The following RGS7 variants were observed in gnomAD, a reference collection of about 807,000 sequenced individuals.
RGS7 encodes regulator of G protein signaling 7, also known as regulator of G-protein signaling 7.
A neutral mutation model predicts 81.1 loss-of-function variants in RGS7; 27 were observed. The observed-to-expected ratio is 0.33, with a 90% CI of 0.25 to 0.46. The LOEUF is 0.46. RGS7 is among the 20% of genes least tolerant of loss of function. The pLI is 1.00. For synonymous variants in RGS7, 208 were observed against 207.7 expected (o/e 1.00, Z -0.01); for missense variants, 396 against 607.4 (o/e 0.65, Z 3.66).
intron 3 of RGS7, among the ~76,000 whole-genome samples, chr1:241,095,411 G>A (rs916100964): frequency 3.3e-5 from 5 of 152,190 alleles, no homozygotes; most frequent in Non-Finnish European, 2.9e-5. Context: ...GGAGGCCAAG[G>A]CAGGAAGATC....
chr1:240,942,759 C>T (rs16841100), intron 4 of RGS7, among the ~76,000 whole-genome samples: 17,230 of 152,154 alleles, frequency 0.11, 2,128 homozygotes, highest in African/African-American at 0.31. Flanking sequence ...AGACTTGTTA[C>T]TTTCTGTTTA....
At chr1:241,356,311 C>G (rs2083564152) in intron 1 of RGS7, among the ~76,000 whole-genome samples, 1 of 152,100 alleles carries the variant, frequency 6.6e-6, no homozygotes, top group African/African-American at 2.4e-5. Context: ...GGCCCATTCC[C>G]GGTGTCATTC....
chr1:240,999,883 G>A (rs531540729), intron 3 of RGS7, among the ~76,000 whole-genome samples: 76 of 152,262 alleles, frequency 5.0e-4, no homozygotes, highest in African/African-American at 1.8e-3. Context: ...GACTACAGGC[G>A]TGAGCCACTG....
At chr1:241,023,985 T>C (rs12405698) in intron 3 of RGS7, among the ~76,000 whole-genome samples, 17,156 of 152,174 alleles carry the variant, frequency 0.11, 1,131 homozygotes, top group Middle Eastern at 0.17. Context: ...TCAGGTGTGG[T>C]CGACCTCCTG....
intron 2 of RGS7, among the ~76,000 whole-genome samples, chr1:241,261,973 ATTTT>A (rs1255799273): frequency 6.8e-6 from 1 of 146,830 alleles, no homozygotes; most frequent in Non-Finnish European, 1.5e-5. Context: ...GGAAAAACAG[ATTTT>A]TTGTTTGTTC....
chr1:240,891,470 T>C (rs1668276423), intron 6 of RGS7, among the ~76,000 whole-genome samples: 1 of 152,210 alleles, frequency 6.6e-6, no homozygotes. Context: ...AATCTCTCTA[T>C]AATGCATCTA....
chr1:240,834,364 AC>A (rs1419672571), intron 9 of RGS7, among the ~76,000 whole-genome samples: 4 of 152,166 alleles, frequency 2.6e-5, no homozygotes, highest in Non-Finnish European at 4.4e-5. Flanking sequence ...CTGTGAATGA[AC>A]TCCACACATC....
intron 2 of RGS7, among the ~76,000 whole-genome samples, chr1:241,309,314 A>G (rs2080361231): frequency 7.2e-6 from 1 of 139,306 alleles, no homozygotes; most frequent in Non-Finnish European, 1.5e-5. Flanking sequence ...TGAACCCGGG[A>G]GGCAGAGGTA....
intron 2 of RGS7, among the ~76,000 whole-genome samples, chr1:241,252,177 G>A (rs1411020237): frequency 6.6e-6 from 1 of 151,788 alleles, no homozygotes; most frequent in Non-Finnish European, 1.5e-5. Flanking sequence ...CCAAGTAGCT[G>A]GGATTACAGG....
chr1:240,829,727 T>C (rs1693486787), intron 9 of RGS7, among the ~76,000 whole-genome samples: 1 of 151,890 alleles, frequency 6.6e-6, no homozygotes. Context: ...CTTTGAGGAG[T>C]TTGAGGCTGC....
Position 241,334,359 on chromosome 1 carries a change from T to A in RGS7, c.78+21340A>T, listed in dbSNP as rs112172407. Among the ~76,000 whole-genome samples, 161 of 152,170 alleles carry A rather than the reference T, an allele frequency of 1.1e-3. 2 individuals are homozygous for A. The highest frequency in any genetic ancestry group is 3.7e-3 in the African/African-American group (152 of 41,488). On this transcript the variant is annotated intron_variant, in intron 2 of 18. Transcript: ENST00000440928. Reference sequence around the variant, plus strand: ...GCACTTTCTTGTTGCTGGAGAGCAATGGGGATGGGGAAACTCTCGGTACCA... The same window carrying A: ...GCACTTTCTTGTTGCTGGAGAGCAAAGGGGATGGGGAAACTCTCGGTACCA...
At chr1:240,895,421 A>T (rs960516225) in intron 6 of RGS7, among the ~76,000 whole-genome samples, 5 of 150,170 alleles carry the variant, frequency 3.3e-5, no homozygotes, top group African/African-American at 1.2e-4. Context: ...TATATCTCCT[A>T]ATGCTATCCC....
chr1:240,960,071 C>T (rs1354307462), intron 4 of RGS7, among the ~76,000 whole-genome samples: 1 of 151,574 alleles, frequency 6.6e-6, no homozygotes, highest in East Asian at 1.9e-4. Context: ...GTGGCTTGAG[C>T]CTGGGAGGTG....
At chr1:240,916,107 A>AG (rs1672559353) in intron 6 of RGS7, among the ~76,000 whole-genome samples, 1 of 133,456 alleles carries the variant, frequency 7.5e-6, no homozygotes, top group African/African-American at 3.1e-5. Flanking sequence ...TACTAAAAAT[A>AG]CCAAAAAAAA....
intron 1 of RGS7, 129 bp from the exon 2 acceptor site, chr1:241,355,955 G>C (rs1357799938): frequency 3.1e-6 from 2 of 643,024 alleles, no homozygotes; most frequent in Non-Finnish European, 5.6e-6. Flanking sequence ...AGTGACACAG[G>C]ACATGGATTT....
intron 6 of RGS7, among the ~76,000 whole-genome samples, chr1:240,914,369 G>C (rs990360712): frequency 6.6e-6 from 1 of 152,064 alleles, no homozygotes; most frequent in African/African-American, 2.4e-5. Flanking sequence ...AGAGTGCCAG[G>C]TTTCTCTCCT....
chr1:240,878,910 G>GT (rs147372893), intron 6 of RGS7, among the ~76,000 whole-genome samples: 1 of 151,930 alleles, frequency 6.6e-6, no homozygotes, highest in Non-Finnish European at 1.5e-5. Context: ...AAATACACAA[G>GT]TTTTTTTTCT....
At chr1:241,071,246 GGGATTCAT>G (rs1399527771) in intron 3 of RGS7, among the ~76,000 whole-genome samples, 1 of 152,012 alleles carries the variant, frequency 6.6e-6, no homozygotes, top group Admixed American at 6.6e-5. Flanking sequence ...TGGGTATTTT[GGGATTCAT>G]GGAAAATAAA....
chr1:240,986,053 A>G (rs547721697), intron 3 of RGS7, among the ~76,000 whole-genome samples: 52 of 152,156 alleles, frequency 3.4e-4, no homozygotes, highest in African/African-American at 1.1e-3. Flanking sequence ...GTAGCATTCT[A>G]TTTACCTTGA....
Sources: gnomAD v4.1 joint callset for allele counts (sites outside exome capture counted in the v4.1 genomes callset) on GRCh38, gnomAD v4.1.1 for gene constraint, MANE v1.5 for transcripts, NCBI Gene and HGNC (gene_info 2026-07-23, HGNC 2026-07-21) for gene names.